Variants in SEPTIN2 observed in about 807,000 individuals in gnomAD.
The protein encoded by SEPTIN2 is septin-2.
In SEPTIN2, 34 loss-of-function variants were observed where a neutral mutation model predicts 46.5. The observed-to-expected ratio is 0.73, with a 90% CI of 0.56 to 0.97. The LOEUF is 0.97. Ranked by LOEUF, SEPTIN2 falls within the 50% of genes least tolerant of loss-of-function variation. SEPTIN2 has a pLI of 0.00. For synonymous variants in SEPTIN2, 175 were observed against 153.4 expected (o/e 1.14, Z -1.04); for missense variants, 347 against 448.4 (o/e 0.77, Z 2.04).
chr2:241,348,271 A>G (rs577502178), intron 11 of SEPTIN2, 80 bp downstream of exon 11: 2 of 1,186,474 alleles, frequency 1.7e-6, no homozygotes, highest in Non-Finnish European at 2.5e-6. Context: ...ACCATTGCCC[A>G]GGCTGGAGTG....
intron 7 of SEPTIN2, among the ~76,000 whole-genome samples, chr2:241,340,273 G>T (rs1184717356): frequency 2.0e-5 from 3 of 152,154 alleles, no homozygotes; most frequent in Admixed American, 6.5e-5. Flanking sequence ...GTTGATGCCG[G>T]TTGGTGTATT....
chr2:241,337,809 C>G lies in SEPTIN2; in HGVS notation c.594+19C>G. Reference sequence around the variant, plus strand: ...GAAAAGGGTGAGTGAGGCTGGCGTCCTGCCCTCCCTCTGGGTGCGACTCGG... The same window carrying G: ...GAAAAGGGTGAGTGAGGCTGGCGTCGTGCCCTCCCTCTGGGTGCGACTCGG... On this transcript the variant is annotated intron_variant, in intron 7 of 12. Coordinates refer to ENST00000391971, the MANE Select transcript of SEPTIN2 (RefSeq NM_004404.5). The G allele has an allele frequency of 6.4e-7, 1 of 1,567,472 alleles. No homozygotes were observed. Among genetic ancestry groups the G allele is most frequent in the African/African-American group, 1.3e-5 (1 of 74,108 alleles).
At chr2:241,340,738 G>C (rs969515914) in intron 7 of SEPTIN2, among the ~76,000 whole-genome samples, 2 of 152,180 alleles carry the variant, frequency 1.3e-5, no homozygotes, top group African/African-American at 4.8e-5. Context: ...AATACTTCGA[G>C]CTTTTATCCC....
chr2:241,319,766 G>C (rs2076881587), intron 1 of SEPTIN2, among the ~76,000 whole-genome samples: 1 of 151,936 alleles, frequency 6.6e-6, no homozygotes, highest in African/African-American at 2.4e-5. Flanking sequence ...TAATTTTTTT[G>C]TATTTTTTGT....
chr2:241,326,224 A>G (rs1017858331), intron 3 of SEPTIN2, 111 bp downstream of exon 3: 7 of 1,043,870 alleles, frequency 6.7e-6, no homozygotes, highest in Non-Finnish European at 7.9e-6. Flanking sequence ...GGCAGAGTCA[A>G]ATAACTTGAG....
chr2:241,333,223 G>A (rs945586834), intron 3 of SEPTIN2, among the ~76,000 whole-genome samples: 1 of 152,056 alleles, frequency 6.6e-6, no homozygotes, highest in Non-Finnish European at 1.5e-5. Context: ...AATAGCTCAA[G>A]AAAAATGGGT....
chr2:241,349,965 A>G (rs2060637039), intron 11 of SEPTIN2, 108 bp from the exon 12 acceptor site: 1 of 993,738 alleles, frequency 1.0e-6, no homozygotes, highest in Non-Finnish European at 1.5e-6. Flanking sequence ...CTCCTGTCAT[A>G]TTTTGGGAAG....
At chr2:241,344,804 G>T (rs2081776063) in intron 9 of SEPTIN2, among the ~76,000 whole-genome samples, 1 of 152,156 alleles carries the variant, frequency 6.6e-6, no homozygotes, top group African/African-American at 2.4e-5. Flanking sequence ...GGTGGCTCAT[G>T]CCTGTACTCC....
At position 241,316,512 on chromosome 2, in the gene SEPTIN2, G is replaced by C. The variant is rs1575096208; in HGVS notation, c.-18+530G>C. ...GGAGAGCGACTAGGCCCTGTCTGCG[G>C]GTACCTTCGGCGAGGAGAGGCGACG... On this transcript the variant is annotated intron_variant, in intron 1 of 12. Coordinates refer to ENST00000391971, the MANE Select transcript of SEPTIN2 (RefSeq NM_004404.5). The C allele has an allele frequency of 2.0e-6, 3 of 1,517,564 alleles. No individual in the cohort carries two copies. In the South Asian group the frequency reaches 3.7e-5, roughly 19 times the overall value. 94.0% of individuals were successfully genotyped at this position (1,517,564 alleles called of 1,614,324 possible). A position where few individuals can be genotyped will look rare whatever the true frequency, so the allele number is the denominator to read the frequency against.
At chr2:241,327,068 A>C (rs1464515864) in intron 3 of SEPTIN2, among the ~76,000 whole-genome samples, 1 of 151,604 alleles carries the variant, frequency 6.6e-6, no homozygotes, top group Non-Finnish European at 1.5e-5. Context: ...AAAAAAAAAA[A>C]AAAAAAAAAA....
chr2:241,335,712 G>A (rs1008138192), intron 4 of SEPTIN2: 25 of 568,254 alleles, frequency 4.4e-5, no homozygotes, highest in Middle Eastern at 3.0e-4. Context: ...AAATGAATTC[G>A]TAAATTGCTT....
chr2:241,347,819 G>A (rs1294121785), intron 10 of SEPTIN2, among the ~76,000 whole-genome samples: 1 of 152,138 alleles, frequency 6.6e-6, no homozygotes, highest in Admixed American at 6.5e-5. Context: ...TTCAACACCA[G>A]CCTGGCCAAC....
chr2:241,341,457 T>C (rs987006327), intron 7 of SEPTIN2, among the ~76,000 whole-genome samples: 9 of 152,140 alleles, frequency 5.9e-5, no homozygotes, highest in African/African-American at 2.2e-4. Context: ...GAGGCCAGCA[T>C]AGGACAAAAG....
At position 241,343,240 on chromosome 2, in the gene SEPTIN2, T is replaced by TG. The variant is rs2081491783; in HGVS notation, c.696+147_696+148insG. The TG allele has an allele frequency of 6.7e-6, 4 of 597,326 alleles. No homozygotes were observed. The East Asian group carries it at 1.1e-4, about 17-fold the overall frequency. 37.0% of individuals were successfully genotyped at this position (597,326 alleles called of 1,614,324 possible). A position where few individuals can be genotyped will look rare whatever the true frequency, so the allele number is the denominator to read the frequency against. ...AAGACCTCATGCAGTGGCTCATGCC[T>TG]ATAATCCCAGCACTTTGAGAGGCCA... is the stretch of plus-strand genomic sequence containing the variant. On this transcript the variant is annotated intron_variant, in intron 8 of 12. Transcript: ENST00000391971.
chr2:241,331,065 G>A (rs1414828234), intron 3 of SEPTIN2, among the ~76,000 whole-genome samples: 1 of 152,182 alleles, frequency 6.6e-6, no homozygotes, highest in Non-Finnish European at 1.5e-5. Flanking sequence ...TGTAATTTCA[G>A]CTATGCTGGA....
Position 241,352,006 on chromosome 2 carries a change from C to A in SEPTIN2, c.*69C>A, listed in dbSNP as rs992775846. 6.5e-6 allele frequency: 1 copy of A among 152,674 alleles called. No individual in the cohort carries two copies. The highest frequency in any genetic ancestry group is 2.4e-5 in the African/African-American group (1 of 41,468). The allele number at this position is 152,674 out of a possible 1,614,324, so 9.5% of individuals were successfully genotyped here. A position where few individuals can be genotyped will look rare whatever the true frequency, so the allele number is the denominator to read the frequency against. ...GATAAAAAAGAAAACATTCCAGATG[C>A]ATGATCCAGCTGTGTGTTTTCAATC... On this transcript the variant is annotated 3_prime_UTR_variant, in exon 13 of 13. Coordinates refer to ENST00000391971, the MANE Select transcript of SEPTIN2 (RefSeq NM_004404.5).
At chr2:241,338,945 T>TTA (rs565751048) in intron 7 of SEPTIN2, among the ~76,000 whole-genome samples, 3 of 102,504 alleles carry the variant, frequency 2.9e-5, no homozygotes, top group African/African-American at 7.9e-5. Flanking sequence ...ATTATATATA[T>TTA]TATATATATA....
intron 1 of SEPTIN2, chr2:241,316,260 G>A: frequency 2.5e-6 from 1 of 406,604 alleles, no homozygotes; most frequent in Admixed American, 4.5e-5. Context: ...TGACCCTGCG[G>A]GAATTCCTCT....
chr2:241,337,177 ACT>A, intron 5 of SEPTIN2: 1 of 530,474 alleles, frequency 1.9e-6, no homozygotes, highest in Non-Finnish European at 3.3e-6. Flanking sequence ...CAGGCTTTTG[ACT>A]CTCAGCACTT....
Sources: gnomAD v4.1 joint callset for allele counts (sites outside exome capture counted in the v4.1 genomes callset) on GRCh38, gnomAD v4.1.1 for gene constraint, MANE v1.5 for transcripts, NCBI Gene and HGNC (gene_info 2026-07-23, HGNC 2026-07-21) for gene names.